The following MAF variants were observed in gnomAD, a reference collection of about 807,000 sequenced individuals.
MAF encodes MAF bZIP transcription factor, also known as transcription factor Maf.
A neutral mutation model predicts 22.0 loss-of-function variants in MAF; 10 were observed. That is an observed-to-expected ratio of 0.45 (90% CI 0.28 to 0.77). The LOEUF is 0.77. Ranked by LOEUF, MAF falls within the 30% of genes least tolerant of loss-of-function variation. The pLI is 0.12. For missense variants in MAF, 544 were observed against 548.4 expected (o/e 0.99, Z 0.08); for synonymous variants, 337 against 255.8 (o/e 1.32, Z -3.03).
chr16:79,356,852 G>A, the MAF span, among the ~76,000 whole-genome samples: 1 of 152,092 alleles, frequency 6.6e-6, no homozygotes, highest in Non-Finnish European at 1.5e-5. Flanking sequence ...TCCCTTAAAA[G>A]GCATGAAAAA....
chr16:79,317,612 G>A, the MAF span, among the ~76,000 whole-genome samples: 1 of 151,764 alleles, frequency 6.6e-6, no homozygotes, highest in Non-Finnish European at 1.5e-5. Context: ...ACTTATTCCA[G>A]GCACCAGGAC....
chr16:79,469,320 CT>C, the MAF span, among the ~76,000 whole-genome samples: 3 of 152,182 alleles, frequency 2.0e-5, no homozygotes, highest in Non-Finnish European at 4.4e-5. Context: ...AAAAAGTTTG[CT>C]GATTCTTACA....
chr16:79,223,411 G>C, the MAF span, among the ~76,000 whole-genome samples: 32 of 150,916 alleles, frequency 2.1e-4, no homozygotes, highest in African/African-American at 7.5e-4. Context: ...GAGAAAGCAG[G>C]AAAGATCTAA....
the MAF span, among the ~76,000 whole-genome samples, chr16:79,365,458 T>C: frequency 6.6e-6 from 1 of 152,160 alleles, no homozygotes; most frequent in African/African-American, 2.4e-5. Flanking sequence ...GGGATATAGA[T>C]GGAATTTGGT....
the MAF span, among the ~76,000 whole-genome samples, chr16:79,364,494 C>T: frequency 6.6e-6 from 1 of 152,096 alleles, no homozygotes; most frequent in African/African-American, 2.4e-5. Context: ...AGGAACGGTC[C>T]CAGAACGGGG....
At chr16:79,480,962 T>A in the MAF span, among the ~76,000 whole-genome samples, 2 of 152,128 alleles carry the variant, frequency 1.3e-5, no homozygotes, top group Non-Finnish European at 2.9e-5. Flanking sequence ...TGTGACACCA[T>A]CAAAAAAGCA....
At chr16:79,520,063 G>A in the MAF span, among the ~76,000 whole-genome samples, 3 of 152,330 alleles carry the variant, frequency 2.0e-5, no homozygotes, top group African/African-American at 4.8e-5. Flanking sequence ...GGGTCAAAAG[G>A]TTCGCATAGG....
the MAF span, among the ~76,000 whole-genome samples, chr16:79,576,550 A>AT: frequency 0.077 from 11,255 of 147,042 alleles, 497 homozygotes; most frequent in Middle Eastern, 0.14. Context: ...GAGGAGTGCT[A>AT]TTTTTTTTTT....
At chr16:79,289,199 G>A in the MAF span, among the ~76,000 whole-genome samples, 1 of 152,168 alleles carries the variant, frequency 6.6e-6, no homozygotes, top group Non-Finnish European at 1.5e-5. Flanking sequence ...AGCAGGGAGT[G>A]GCACGGTGTG....
the MAF span, among the ~76,000 whole-genome samples, chr16:79,296,625 AT>A: frequency 9.3e-4 from 137 of 147,548 alleles, no homozygotes; most frequent in Admixed American, 1.8e-3. Flanking sequence ...AAGATTTGTA[AT>A]TTTTTTTTTT....
the MAF span, among the ~76,000 whole-genome samples, chr16:79,260,411 C>G: frequency 2.8e-4 from 42 of 152,240 alleles, no homozygotes; most frequent in South Asian, 8.5e-3. Flanking sequence ...CTTGGCCTCC[C>G]AGAGTCCTGG....
At chr16:79,441,001 C>G in the MAF span, among the ~76,000 whole-genome samples, 1 of 152,202 alleles carries the variant, frequency 6.6e-6, no homozygotes, top group South Asian at 2.1e-4. Flanking sequence ...AATGTCCTAT[C>G]ACCCTCTCAC....
chr16:79,583,419 C>T (rs1248812616), downstream of MAF, among the ~76,000 whole-genome samples: 1 of 152,126 alleles, frequency 6.6e-6, no homozygotes, highest in Non-Finnish European at 1.5e-5. Flanking sequence ...TATACCAGTT[C>T]CATCAGTTTC....
chr16:79,208,193 A>C, the MAF span, among the ~76,000 whole-genome samples: 36 of 152,202 alleles, frequency 2.4e-4, no homozygotes, highest in Non-Finnish European at 3.7e-4. Context: ...CAGCTCACAA[A>C]TGTTTGACTA....
chr16:79,380,030 C>G, the MAF span, among the ~76,000 whole-genome samples: 2 of 152,202 alleles, frequency 1.3e-5, no homozygotes, highest in Non-Finnish European at 2.9e-5. Flanking sequence ...AACACGCACA[C>G]TCCCTTCTCA....
the MAF span, among the ~76,000 whole-genome samples, chr16:79,219,363 T>C: frequency 6.6e-6 from 1 of 151,914 alleles, no homozygotes; most frequent in Non-Finnish European, 1.5e-5. Context: ...TGAAATTCTG[T>C]CTTTGTTCAT....
At chr16:79,395,929 C>A in the MAF span, among the ~76,000 whole-genome samples, 1 of 152,136 alleles carries the variant, frequency 6.6e-6, no homozygotes, top group Non-Finnish European at 1.5e-5. Context: ...AGAAGAAAAT[C>A]AGACCTGGTG....
At chr16:79,286,959 C>G in the MAF span, among the ~76,000 whole-genome samples, 1 of 152,144 alleles carries the variant, frequency 6.6e-6, no homozygotes, top group African/African-American at 2.4e-5. Flanking sequence ...AAAAAACAAA[C>G]AGACAAAAAA....
the MAF span, among the ~76,000 whole-genome samples, chr16:79,208,986 C>G: frequency 6.6e-6 from 1 of 152,106 alleles, no homozygotes; most frequent in Non-Finnish European, 1.5e-5. Flanking sequence ...CAAAGGTGGA[C>G]GATTGATTTT....
Sources: gnomAD v4.1 joint callset for allele counts (sites outside exome capture counted in the v4.1 genomes callset) on GRCh38, gnomAD v4.1.1 for gene constraint, MANE v1.5 for transcripts, NCBI Gene and HGNC (gene_info 2026-07-23, HGNC 2026-07-21) for gene names.